AUTS2: variants seen among roughly 807,000 people sequenced by gnomAD.
AUTS2 encodes the protein autism susceptibility gene 2 protein.
Under a neutral mutation model 112.4 loss-of-function variants are expected in AUTS2, and 17 were observed. The observed-to-expected ratio is 0.15, with a 90% CI of 0.10 to 0.23. AUTS2 has a LOEUF of 0.23. AUTS2 is among the 10% of genes least tolerant of loss of function. AUTS2 has a pLI of 1.00. For synonymous variants in AUTS2, 751 were observed against 702.7 expected (o/e 1.07, Z -1.09); for missense variants, 1,510 against 1,701.6 (o/e 0.89, Z 1.98).
At chr7:69,818,496 T>A (rs1017708740) in intron 1 of AUTS2, among the ~76,000 whole-genome samples, 2 of 152,226 alleles carry the variant, frequency 1.3e-5, no homozygotes, top group African/African-American at 2.4e-5. Flanking sequence ...CAGTTCGGGT[T>A]TATTAAATGT....
intron 2 of AUTS2, among the ~76,000 whole-genome samples, chr7:69,948,214 G>A (rs1314216411): frequency 6.6e-6 from 1 of 152,116 alleles, no homozygotes; most frequent in Admixed American, 6.5e-5. Context: ...AAGTGGAGTG[G>A]TGGCCACTCA....
chr7:70,529,878 A>AT (rs1800008101), intron 5 of AUTS2, among the ~76,000 whole-genome samples: 1 of 152,268 alleles, frequency 6.6e-6, no homozygotes, highest in African/African-American at 2.4e-5. Context: ...AAATAAGTAA[A>AT]TATCAGAAAG....
intron 4 of AUTS2, among the ~76,000 whole-genome samples, chr7:70,364,446 G>C (rs572740959): frequency 6.6e-6 from 1 of 151,942 alleles, no homozygotes; most frequent in East Asian, 1.9e-4. Flanking sequence ...CGTGCCTGTA[G>C]TCCCAGCTAC....
chr7:69,691,130 T>C (rs1797325560), intron 1 of AUTS2, among the ~76,000 whole-genome samples: 1 of 152,180 alleles, frequency 6.6e-6, no homozygotes, highest in African/African-American at 2.4e-5. Flanking sequence ...AGGGTTTTTA[T>C]GGGCTCGGAA....
intron 5 of AUTS2, among the ~76,000 whole-genome samples, chr7:70,613,360 G>GTA (rs1395640026): frequency 1.3e-5 from 2 of 152,068 alleles, no homozygotes; most frequent in African/African-American, 2.4e-5. Context: ...ATAGAATGCT[G>GTA]TTTTGCAAGT....
chr7:70,326,213 G>A (rs1479282342), intron 4 of AUTS2, among the ~76,000 whole-genome samples: 1 of 152,058 alleles, frequency 6.6e-6, no homozygotes, highest in Non-Finnish European at 1.5e-5. Flanking sequence ...TACCCAAGGG[G>A]AACTGATGTT....
At chr7:70,251,240 A>G (rs1469002561) in intron 4 of AUTS2, among the ~76,000 whole-genome samples, 1 of 151,808 alleles carries the variant, frequency 6.6e-6, no homozygotes, top group Non-Finnish European at 1.5e-5. Flanking sequence ...AATTTTTTGT[A>G]TTTTTAGTAA....
intron 2 of AUTS2, among the ~76,000 whole-genome samples, chr7:70,046,176 C>T (rs1584632157): frequency 6.6e-6 from 1 of 152,130 alleles, no homozygotes; most frequent in East Asian, 1.9e-4. Context: ...TCAAGTCTAC[C>T]TCTCAGTATC....
intron 4 of AUTS2, among the ~76,000 whole-genome samples, chr7:70,151,844 C>G (rs1024003849): frequency 1.3e-5 from 2 of 152,004 alleles, no homozygotes; most frequent in African/African-American, 4.8e-5. Context: ...CATTCAATTA[C>G]GAATTACCAG....
intron 4 of AUTS2, among the ~76,000 whole-genome samples, chr7:70,263,825 A>G (rs1489132008): frequency 6.6e-6 from 1 of 152,242 alleles, no homozygotes; most frequent in African/African-American, 2.4e-5. Flanking sequence ...TACAGTGGCA[A>G]TACTGAAAAC....
intron 16 of AUTS2, chr7:70,785,466 A>G (rs1364898610): frequency 2.1e-6 from 1 of 470,854 alleles, no homozygotes; most frequent in African/African-American, 2.0e-5. Flanking sequence ...GTCTCTTCCT[A>G]ATAAAGGTGC....
chr7:70,312,163 A>G (rs886182617), intron 4 of AUTS2, among the ~76,000 whole-genome samples: 5 of 152,196 alleles, frequency 3.3e-5, no homozygotes, highest in Non-Finnish European at 4.4e-5. Context: ...CCCGCTGGGA[A>G]ATATCTTAAA....
intron 4 of AUTS2, among the ~76,000 whole-genome samples, chr7:70,373,300 G>C (rs1162814155): frequency 6.6e-6 from 1 of 151,982 alleles, no homozygotes; most frequent in African/African-American, 2.4e-5. Flanking sequence ...TGTACAATAC[G>C]ATCTTATTAA....
intron 6 of AUTS2, among the ~76,000 whole-genome samples, chr7:70,730,396 C>T (rs939690501): frequency 6.6e-6 from 1 of 152,050 alleles, no homozygotes; most frequent in Non-Finnish European, 1.5e-5. Context: ...AACTCTGTAC[C>T]CTTAGCTTCT....
intron 1 of AUTS2, among the ~76,000 whole-genome samples, chr7:69,683,297 C>T (rs1796894272): frequency 6.6e-6 from 1 of 152,194 alleles, no homozygotes; most frequent in Non-Finnish European, 1.5e-5. Context: ...TGATGTCCTG[C>T]ACACGTGGCA....
At chr7:69,806,990 G>A (rs1790338142) in intron 1 of AUTS2, among the ~76,000 whole-genome samples, 1 of 151,990 alleles carries the variant, frequency 6.6e-6, no homozygotes, top group Non-Finnish European at 1.5e-5. Context: ...TTTTTAGCTG[G>A]AAATTTTAAA....
intron 5 of AUTS2, among the ~76,000 whole-genome samples, chr7:70,488,609 C>T (rs974047386): frequency 6.6e-6 from 1 of 152,092 alleles, no homozygotes; most frequent in African/African-American, 2.4e-5. Context: ...AGCAACCTGC[C>T]GTCCTCAACC....
At chr7:69,964,768 T>A (rs1797570586) in intron 2 of AUTS2, among the ~76,000 whole-genome samples, 1 of 152,018 alleles carries the variant, frequency 6.6e-6, no homozygotes, top group Admixed American at 6.6e-5. Flanking sequence ...CCTGAAGACA[T>A]GATTTTTTTT....
intron 4 of AUTS2, among the ~76,000 whole-genome samples, chr7:70,172,164 A>G (rs951204027): frequency 2.6e-5 from 4 of 152,132 alleles, no homozygotes; most frequent in Non-Finnish European, 5.9e-5. Context: ...CAAACTTCCT[A>G]TATGGCCATG....
Sources: gnomAD v4.1 joint callset for allele counts (sites outside exome capture counted in the v4.1 genomes callset) on GRCh38, gnomAD v4.1.1 for gene constraint, MANE v1.5 for transcripts, NCBI Gene and HGNC (gene_info 2026-07-23, HGNC 2026-07-21) for gene names.